The following CLEC2A variants were observed in gnomAD, a reference collection of about 807,000 sequenced individuals.
CLEC2A encodes the protein C-type lectin domain family 2 member A, also known as keratinocyte-associated C-type lectin.
A neutral mutation model predicts 18.6 loss-of-function variants in CLEC2A; 19 were observed. The ratio of observed to expected loss-of-function variants is 1.02; its 90% CI spans 0.71 to 1.50. CLEC2A has a LOEUF of 1.50. Ranked by LOEUF, CLEC2A falls within the 40% of genes most tolerant of loss-of-function variation. The probability of loss-of-function intolerance (pLI) is 0.00; values close to 1 mark genes in which losing one functional copy is unlikely to be tolerated. For synonymous variants in CLEC2A, 74 were observed against 64.0 expected, an observed-to-expected ratio of 1.16 and a Z score of -0.75; for missense variants, 190 against 207.9, an observed-to-expected ratio of 0.91 and a Z score of 0.53.
In CLEC2A at chr12:9,923,520, C is replaced by T. The variant is rs537972337; in HGVS notation, c.140-1288G>A. ...TCAACCATTGTGGAAGACAGTGTGG[C>T]GATTCCTCAGGGATCTAGAACTAGA... On this transcript the variant is annotated intron_variant, in intron 2 of 4. Transcript: ENST00000455827. 2.7e-4 allele frequency among the ~76,000 whole-genome samples: 41 copies of T among 152,202 alleles called. No individual in the cohort carries two copies. In the Middle Eastern group the frequency reaches 0.014, roughly 51 times the overall value.
chr12:9,911,572 A>G (rs1431251933), downstream of CLEC2A, among the ~76,000 whole-genome samples: 1 of 152,232 alleles, frequency 6.6e-6, no homozygotes, highest in African/African-American at 2.4e-5. Context: ...TTTACATTTT[A>G]GTGACACCTG....
chr12:9,890,320 G>A, the CLEC2A span, among the ~76,000 whole-genome samples: 4 of 152,164 alleles, frequency 2.6e-5, no homozygotes, highest in Admixed American at 6.5e-5. Flanking sequence ...GTCAGGGCAC[G>A]TTTAATTAAG....
intron 4 of CLEC2A, among the ~76,000 whole-genome samples, chr12:9,906,263 T>G (rs1255984885): frequency 2.0e-5 from 3 of 152,142 alleles, no homozygotes; most frequent in Non-Finnish European, 4.4e-5. Flanking sequence ...TTTTTCCTTT[T>G]CATTGGGAGA....
downstream of CLEC2A, among the ~76,000 whole-genome samples, chr12:9,909,831 C>G (rs1051300925): frequency 1.3e-5 from 2 of 151,240 alleles, no homozygotes; most frequent in African/African-American, 4.9e-5. Flanking sequence ...GGGGAGGGAT[C>G]TGGAGTGGGG....
intron 1 of CLEC2A, among the ~76,000 whole-genome samples, chr12:9,930,098 G>A (rs1863350609): frequency 1.3e-5 from 2 of 152,086 alleles, no homozygotes; most frequent in South Asian, 2.1e-4. Flanking sequence ...GATGTTGGTC[G>A]GATGGGTTCC....
chr12:9,898,631 G>C (rs1289309066), downstream of CLEC2A: 7 of 368,724 alleles, frequency 1.9e-5, no homozygotes, highest in Non-Finnish European at 2.9e-5. Context: ...ATAATAAATG[G>C]AACAGCTATG....
intron 4 of CLEC2A, among the ~76,000 whole-genome samples, chr12:9,914,134 T>C (rs1863031271): frequency 6.6e-6 from 1 of 152,190 alleles, no homozygotes; most frequent in Non-Finnish European, 1.5e-5. Flanking sequence ...AAAAATAAGA[T>C]TTATATTTAC....
At chr12:9,906,761 AT>A (rs1381256291) in intron 4 of CLEC2A, among the ~76,000 whole-genome samples, 1 of 152,240 alleles carries the variant, frequency 6.6e-6, no homozygotes, top group Non-Finnish European at 1.5e-5. Context: ...GGAGCCATCT[AT>A]AAACAAATAC....
At chr12:9,910,647 C>T (rs763824752), downstream of CLEC2A, among the ~76,000 whole-genome samples, 10 of 152,190 alleles carry the variant, frequency 6.6e-5, no homozygotes, top group South Asian at 2.1e-4. Flanking sequence ...CAAGATATCC[C>T]GACCTCCAAG....
At chr12:9,905,631 G>A (rs1862896130) in intron 4 of CLEC2A, among the ~76,000 whole-genome samples, 1 of 152,152 alleles carries the variant, frequency 6.6e-6, no homozygotes, top group African/African-American at 2.4e-5. Context: ...GACTAATTTG[G>A]TTAGGTGGTT....
In CLEC2A at chr12:9,905,396, T is replaced by A. The variant is rs934278295; in HGVS notation, c.411-6420A>T. On this transcript the variant is annotated intron_variant, in intron 4 of 4. Transcript: ENST00000339766. ...ACACCAAGGGTGGCGTCTGTGCTAA[T>A]AGGCCTTTAGTTCAGAGACAAGAGA... Among the ~76,000 whole-genome samples the A allele has an allele frequency of 2.0e-5, 3 of 152,336 alleles. No individual in the cohort carries two copies. In the South Asian group the frequency reaches 6.2e-4, roughly 32 times the overall value.
intron 3 of CLEC2A, among the ~76,000 whole-genome samples, chr12:9,921,161 C>T (rs1863166180): frequency 6.6e-6 from 1 of 152,158 alleles, no homozygotes; most frequent in African/African-American, 2.4e-5. Context: ...TAGAAGATTA[C>T]ATGAGATTAT....
chr12:9,914,886 C>A (rs1003319917), intron 4 of CLEC2A, among the ~76,000 whole-genome samples: 1 of 152,020 alleles, frequency 6.6e-6, no homozygotes, highest in African/African-American at 2.4e-5. Flanking sequence ...AGAGCTTCTG[C>A]ACAGCAAAAG....
intron 3 of CLEC2A, among the ~76,000 whole-genome samples, chr12:9,921,151 T>C (rs1406828911): frequency 6.6e-6 from 1 of 152,190 alleles, no homozygotes; most frequent in Non-Finnish European, 1.5e-5. Flanking sequence ...TGGGTGTTAG[T>C]AGAAGATTAC....
chr12:9,892,652 A>G, the CLEC2A span, among the ~76,000 whole-genome samples: 1,382 of 137,774 alleles, frequency 0.01, 17 homozygotes, highest in African/African-American at 0.036. Flanking sequence ...TGGCTCGATC[A>G]CGGCTCACCG....
chr12:9,906,721 A>G (rs1479773439), intron 4 of CLEC2A, among the ~76,000 whole-genome samples: 3 of 152,212 alleles, frequency 2.0e-5, no homozygotes, highest in Admixed American at 1.3e-4. Flanking sequence ...TTGAATACCC[A>G]TTATGTCTTT....
intron 4 of CLEC2A, among the ~76,000 whole-genome samples, chr12:9,914,961 T>C (rs1863046285): frequency 6.6e-6 from 1 of 152,098 alleles, no homozygotes; most frequent in African/African-American, 2.4e-5. Context: ...TCTACCCATC[T>C]GTCAAAGGTC....
At chr12:9,928,694 A>C (rs1350868578) in intron 1 of CLEC2A, among the ~76,000 whole-genome samples, 1 of 152,236 alleles carries the variant, frequency 6.6e-6, no homozygotes. Flanking sequence ...AAAGTCTTGA[A>C]CAAATACTTA....
downstream of CLEC2A, among the ~76,000 whole-genome samples, chr12:9,909,866 G>T (rs903366458): frequency 1.3e-5 from 2 of 152,050 alleles, no homozygotes; most frequent in Non-Finnish European, 2.9e-5. Flanking sequence ...AGCTGCTTGA[G>T]GGGGAGAATT....
Sources: allele counts gnomAD v4.1 joint callset (sites outside exome capture counted in the v4.1 genomes callset), GRCh38; gene constraint gnomAD v4.1.1; transcripts MANE v1.5; gene names NCBI Gene and HGNC (gene_info 2026-07-23, HGNC 2026-07-21).